SYNDIG1: variants seen among roughly 807,000 people sequenced by gnomAD.
The protein encoded by SYNDIG1 is synapse differentiation-inducing gene protein 1.
SYNDIG1 carries 9 observed loss-of-function variants against 19.4 expected under a neutral mutation model. The ratio of observed to expected loss-of-function variants is 0.46; its 90% confidence interval spans 0.28 to 0.81. The LOEUF (loss-of-function observed/expected upper bound fraction) is 0.81. Ranked by LOEUF, SYNDIG1 falls within the 30% of genes least tolerant of loss-of-function variation. The pLI is 0.12. For synonymous variants in SYNDIG1, 141 were observed against 145.9 expected (o/e 0.97, Z 0.24); for missense variants, 311 against 343.3 (o/e 0.91, Z 0.74).
At chr20:24,476,586 C>T (rs1428740713) in intron 1 of SYNDIG1, among the ~76,000 whole-genome samples, 2 of 151,684 alleles carry the variant, frequency 1.3e-5, no homozygotes, top group African/African-American at 2.4e-5. Flanking sequence ...AGGAGAATGG[C>T]GTGAACCTGG....
chr20:24,586,517 G>C (rs987992388), intron 3 of SYNDIG1, among the ~76,000 whole-genome samples: 1 of 152,190 alleles, frequency 6.6e-6, no homozygotes, highest in Non-Finnish European at 1.5e-5. Flanking sequence ...GCCCATGGTG[G>C]GCAGAGCCTG....
At chr20:24,525,936 T>C (rs1414550995) in intron 1 of SYNDIG1, among the ~76,000 whole-genome samples, 1 of 152,208 alleles carries the variant, frequency 6.6e-6, no homozygotes, top group Non-Finnish European at 1.5e-5. Flanking sequence ...AGAATTGTTG[T>C]ATACGGTTAA....
chr20:24,499,094 G>A (rs538618061), intron 1 of SYNDIG1, among the ~76,000 whole-genome samples: 41 of 152,266 alleles, frequency 2.7e-4, no homozygotes, highest in African/African-American at 8.7e-4. Flanking sequence ...GCACGATCTC[G>A]GCTCACTGCA....
At chr20:24,536,866 G>A (rs1349941608) in intron 1 of SYNDIG1, among the ~76,000 whole-genome samples, 2 of 152,124 alleles carry the variant, frequency 1.3e-5, no homozygotes, top group Non-Finnish European at 2.9e-5. Context: ...CCATCACTGG[G>A]GCTCTGTTGG....
chr20:24,584,294 A>T (rs908427958), intron 2 of SYNDIG1, among the ~76,000 whole-genome samples: 17 of 152,300 alleles, frequency 1.1e-4, no homozygotes, highest in African/African-American at 4.1e-4. Flanking sequence ...CTTAAAAGAG[A>T]GATTCAGGGG....
intron 3 of SYNDIG1, among the ~76,000 whole-genome samples, chr20:24,621,013 G>C (rs1000912693): frequency 6.6e-6 from 1 of 152,202 alleles, no homozygotes; most frequent in Non-Finnish European, 1.5e-5. Context: ...TTACCTGATG[G>C]AGATAAAAGG....
chr20:24,653,969 C>T (rs1016750310), intron 3 of SYNDIG1, among the ~76,000 whole-genome samples: 2 of 152,206 alleles, frequency 1.3e-5, no homozygotes, highest in South Asian at 2.1e-4. Flanking sequence ...TCTTCAAATA[C>T]AGTCACATTC....
chr20:24,580,914 C>T (rs1465281858), intron 2 of SYNDIG1, among the ~76,000 whole-genome samples: 1 of 152,172 alleles, frequency 6.6e-6, no homozygotes, highest in African/African-American at 2.4e-5. Context: ...GGCAATGCCT[C>T]CAAGTGCCTA....
At chr20:24,608,817 TA>T (rs1408206038) in intron 3 of SYNDIG1, among the ~76,000 whole-genome samples, 1 of 152,146 alleles carries the variant, frequency 6.6e-6, no homozygotes, top group African/African-American at 2.4e-5. Flanking sequence ...ATTGATAATA[TA>T]AGCTCAGTTC....
At chr20:24,489,608 A>T (rs1406866856) in intron 1 of SYNDIG1, among the ~76,000 whole-genome samples, 2 of 152,180 alleles carry the variant, frequency 1.3e-5, no homozygotes. Flanking sequence ...ACACAGACAC[A>T]TACATGAATG....
chr20:24,544,644 G>T (rs1600577693), intron 2 of SYNDIG1, among the ~76,000 whole-genome samples: 1 of 152,094 alleles, frequency 6.6e-6, no homozygotes, highest in East Asian at 1.9e-4. Context: ...CCACATGCTG[G>T]CCTGGGAGAG....
At chr20:24,572,964 C>T (rs2058168708) in intron 2 of SYNDIG1, among the ~76,000 whole-genome samples, 1 of 152,158 alleles carries the variant, frequency 6.6e-6, no homozygotes, top group African/African-American at 2.4e-5. Context: ...CAAGCTTGCC[C>T]TCTGTTCCAG....
intron 1 of SYNDIG1, among the ~76,000 whole-genome samples, chr20:24,494,532 A>T (rs543181180): frequency 6.6e-6 from 1 of 152,330 alleles, no homozygotes; most frequent in South Asian, 2.1e-4. Flanking sequence ...GACATCACTC[A>T]TTCCTGGGGG....
Position 24,626,103 on chromosome 20 carries a change from C to T in SYNDIG1, c.619-39243C>T, listed in dbSNP as rs941996851. ...GCTGGGCAGAGGGGCTCCTCACTTCCCAGTAGGGGCAGCCGGGCAGAGGTG... is the reference window on the plus strand; with the variant it reads ...GCTGGGCAGAGGGGCTCCTCACTTCTCAGTAGGGGCAGCCGGGCAGAGGTG... On this transcript the variant is annotated intron_variant, in intron 3 of 3. Coordinates refer to ENST00000376862, the MANE Select transcript of SYNDIG1 (RefSeq NM_024893.3). Among the ~76,000 whole-genome samples, 44 of 149,028 alleles carry T rather than the reference C, an allele frequency of 3.0e-4. 1 individual carries two copies. The highest frequency in any genetic ancestry group is 6.6e-5 in the Admixed American group (1 of 15,106).
chr20:24,657,582 TA>T (rs1228966346), intron 3 of SYNDIG1, among the ~76,000 whole-genome samples: 2 of 152,260 alleles, frequency 1.3e-5, no homozygotes, highest in East Asian at 3.9e-4. Flanking sequence ...TTTAATGGCT[TA>T]AAATATAAGG....
At chr20:24,489,404 CACACAGACACATGG>C (rs1420543325) in intron 1 of SYNDIG1, among the ~76,000 whole-genome samples, 3 of 151,830 alleles carry the variant, frequency 2.0e-5, no homozygotes, top group Non-Finnish European at 2.9e-5. Flanking sequence ...GACACATGTG[CACACAGACACATGG>C]ACACAGACAC....
chr20:24,522,633 C>T (rs2057029221), intron 1 of SYNDIG1, among the ~76,000 whole-genome samples: 1 of 152,248 alleles, frequency 6.6e-6, no homozygotes, highest in African/African-American at 2.4e-5. Context: ...CACTGTTTCT[C>T]TCTTCCCCAT....
At chr20:24,494,452 T>C (rs950157728) in intron 1 of SYNDIG1, among the ~76,000 whole-genome samples, 6 of 151,998 alleles carry the variant, frequency 3.9e-5, no homozygotes, top group Non-Finnish European at 5.9e-5. Flanking sequence ...AGCTAGCACG[T>C]TGGGTGGGCA....
At chr20:24,489,266 A>T (rs1227814002) in intron 1 of SYNDIG1, among the ~76,000 whole-genome samples, 1 of 152,124 alleles carries the variant, frequency 6.6e-6, no homozygotes, top group Non-Finnish European at 1.5e-5. Flanking sequence ...ACATGCATGC[A>T]CACACGTGCT....
Sources: gnomAD v4.1 joint callset for allele counts (sites outside exome capture counted in the v4.1 genomes callset) on GRCh38, gnomAD v4.1.1 for gene constraint, MANE v1.5 for transcripts, NCBI Gene and HGNC (gene_info 2026-07-23, HGNC 2026-07-21) for gene names.